WASF3: variants seen among roughly 807,000 people sequenced by gnomAD.
WASF3 encodes WASP family member 3.
A neutral mutation model predicts 46.6 loss-of-function variants in WASF3; 11 were observed. That is an observed-to-expected ratio of 0.24 (90% CI 0.15 to 0.39). The LOEUF (loss-of-function observed/expected upper bound fraction) is 0.39, where lower values mean the gene tolerates loss of function less well. Ranked by LOEUF, WASF3 falls within the 10% of genes least tolerant of loss-of-function variation. The pLI, the probability that WASF3 is intolerant of heterozygous loss-of-function variation, is 1.00. For missense variants in WASF3, 576 were observed against 669.8 expected (o/e 0.86, Z 1.55); for synonymous variants, 242 against 259.7 (o/e 0.93, Z 0.65).
In WASF3 at chr13:26,687,208, T is replaced by C. The variant is rs1307839994; in HGVS notation, c.*1363T>C. 6.6e-6 allele frequency: 1 copy of C among 152,252 alleles called. No homozygotes were observed. The highest frequency in any genetic ancestry group is 1.5e-5 in the Non-Finnish European group (1 of 68,038). 9.4% of individuals were successfully genotyped at this position (152,252 alleles called of 1,614,324 possible). ...AAACAGGTGCTCCAGGCTTTGATTA[T>C]AGATACGACTTCAAAAATATGCTAA... On this transcript the variant is annotated 3_prime_UTR_variant, in exon 10 of 10. Transcript: ENST00000335327.
chr13:26,644,416 C>T (rs1882087784), intron 3 of WASF3, among the ~76,000 whole-genome samples: 1 of 152,198 alleles, frequency 6.6e-6, no homozygotes, highest in African/African-American at 2.4e-5. Flanking sequence ...CCACTGTAGC[C>T]TCATGATTGG....
At chr13:26,548,381 A>G in the WASF3 span, among the ~76,000 whole-genome samples, 1 of 152,168 alleles carries the variant, frequency 6.6e-6, no homozygotes, top group Admixed American at 6.5e-5. Context: ...TCCCTGAGAC[A>G]TGTCCCACAC....
At chr13:26,592,802 A>G (rs940692687) in intron 1 of WASF3, among the ~76,000 whole-genome samples, 26 of 152,030 alleles carry the variant, frequency 1.7e-4, no homozygotes, top group African/African-American at 5.3e-4. Context: ...TGTCTGTTCC[A>G]GGGTAATTTT....
chr13:26,610,070 T>C (rs1693939925), intron 1 of WASF3, among the ~76,000 whole-genome samples: 1 of 152,136 alleles, frequency 6.6e-6, no homozygotes, highest in Admixed American at 6.5e-5. Flanking sequence ...TGTAGAACAT[T>C]TCCATCACTG....
chr13:26,678,881 C>T (rs535241199), intron 7 of WASF3, among the ~76,000 whole-genome samples: 1 of 152,348 alleles, frequency 6.6e-6, no homozygotes, highest in South Asian at 2.1e-4. Flanking sequence ...GGGGATATAT[C>T]GACCTCTCAC....
chr13:26,671,444 C>G (rs564097531), intron 5 of WASF3, among the ~76,000 whole-genome samples: 1 of 152,280 alleles, frequency 6.6e-6, no homozygotes. Flanking sequence ...AGAGTACTTA[C>G]TAATTTTTAT....
intron 1 of WASF3, among the ~76,000 whole-genome samples, chr13:26,600,950 T>A (rs1880624105): frequency 6.6e-6 from 1 of 152,192 alleles, no homozygotes; most frequent in African/African-American, 2.4e-5. Context: ...GCAATTTGGT[T>A]CTCTTAGGTT....
rs149828019 is a variant in WASF3, at chr13:26,618,076, A to C, written c.-11+5018A>C. On this transcript the variant is annotated intron_variant, in intron 2 of 9. Coordinates refer to ENST00000335327, the MANE Select transcript of WASF3 (RefSeq NM_006646.6). The stretch of plus-strand genomic sequence containing the variant: ...CCAGTCTTGGGAGTATCTTTTTAGC[A>C]GTGTGAAAACAGACGAATATGAAGT... 3.7e-4 allele frequency among the ~76,000 whole-genome samples: 57 copies of C among 152,282 alleles called. No individual in the cohort carries two copies. The East Asian group carries it at 0.01, about 27-fold the overall frequency.
chr13:26,620,455 A>T (rs1881272024), intron 2 of WASF3: 1 of 152,202 alleles, frequency 6.6e-6, no homozygotes, highest in African/African-American at 2.4e-5. Context: ...ATTTAACTTT[A>T]AAAAGTCTGA....
At chr13:26,599,836 T>TA (rs1880594892) in intron 1 of WASF3, among the ~76,000 whole-genome samples, 1 of 152,212 alleles carries the variant, frequency 6.6e-6, no homozygotes, top group African/African-American at 2.4e-5. Context: ...TGTGTAATGT[T>TA]ATAGAATGGA....
intron 1 of WASF3, among the ~76,000 whole-genome samples, chr13:26,604,584 TTAC>T (rs1367730863): frequency 9.2e-5 from 14 of 152,170 alleles, no homozygotes; most frequent in African/African-American, 3.4e-4. Context: ...GAAGAGTAAG[TTAC>T]TGAACTATAA....
upstream of WASF3, among the ~76,000 whole-genome samples, chr13:26,555,561 G>A (rs551247087): frequency 2.6e-5 from 4 of 152,182 alleles, no homozygotes; most frequent in East Asian, 3.9e-4. Context: ...AGACCCAACT[G>A]GGCATGCACC....
chr13:26,569,451 C>T (rs1174489442), intron 1 of WASF3, among the ~76,000 whole-genome samples: 1 of 152,012 alleles, frequency 6.6e-6, no homozygotes, highest in African/African-American at 2.4e-5. Flanking sequence ...TTCTAAGTAT[C>T]CCATGATCAA....
chr13:26,568,076 C>T (rs1879525405), intron 1 of WASF3, among the ~76,000 whole-genome samples: 1 of 151,868 alleles, frequency 6.6e-6, no homozygotes, highest in Admixed American at 6.6e-5. Flanking sequence ...TAGGGGGATG[C>T]GTAGTGACAG....
the WASF3 span, among the ~76,000 whole-genome samples, chr13:26,551,304 G>A: frequency 6.6e-6 from 1 of 152,114 alleles, no homozygotes; most frequent in Non-Finnish European, 1.5e-5. Context: ...AGCAGCATGA[G>A]AACGAACTAA....
chr13:26,651,139 T>TG (rs1256639360), intron 3 of WASF3, among the ~76,000 whole-genome samples: 1 of 152,076 alleles, frequency 6.6e-6, no homozygotes, highest in African/African-American at 2.4e-5. Context: ...CTCGCCAACA[T>TG]GATGAAACCC....
Position 26,571,972 on chromosome 13 carries a change from C to T in WASF3, c.-109+14153C>T, listed in dbSNP as rs546249049. On this transcript the variant is annotated intron_variant, in intron 1 of 9. Transcript: ENST00000335327. ...TATTTTGTTGCTGTTATAAATGGGA[C>T]TTTCTGTTCCATTTTACATTCTAAC... Among the ~76,000 whole-genome samples, 3 of 152,278 alleles carry T rather than the reference C, an allele frequency of 2.0e-5. No individual in the cohort carries two copies. The East Asian group carries it at 5.8e-4, about 29-fold the overall frequency.
the WASF3 span, among the ~76,000 whole-genome samples, chr13:26,541,366 C>A: frequency 1.3e-5 from 2 of 152,136 alleles, no homozygotes; most frequent in African/African-American, 4.8e-5. Flanking sequence ...AGCTGTGCAA[C>A]CTTGGGTAAG....
At chr13:26,643,609 A>G (rs918717020) in intron 3 of WASF3, among the ~76,000 whole-genome samples, 3 of 152,222 alleles carry the variant, frequency 2.0e-5, no homozygotes, top group African/African-American at 7.2e-5. Context: ...ACTGCTTGTA[A>G]ATTATTGAAG....
Sources: gnomAD v4.1 joint callset for allele counts (sites outside exome capture counted in the v4.1 genomes callset) on GRCh38, gnomAD v4.1.1 for gene constraint, MANE v1.5 for transcripts, NCBI Gene and HGNC (gene_info 2026-07-23, HGNC 2026-07-21) for gene names.